Variants in RNF217 observed in about 807,000 individuals in gnomAD.
RNF217 encodes the protein E3 ubiquitin-protein ligase RNF217.
A neutral mutation model predicts 57.8 loss-of-function variants in RNF217; 31 were observed. The observed-to-expected ratio is 0.54, with a 90% CI of 0.40 to 0.72. The LOEUF (loss-of-function observed/expected upper bound fraction) is 0.72. Among genes scored for constraint, RNF217 ranks in the 30% least tolerant of loss-of-function variants. The pLI, the probability that RNF217 is intolerant of heterozygous loss-of-function variation, is 0.00. For missense variants in RNF217, 696 were observed against 708.3 expected, an observed-to-expected ratio of 0.98 and a Z score of 0.20; for synonymous variants, 313 against 294.0, an observed-to-expected ratio of 1.06 and a Z score of -0.66.
intron 1 of RNF217, among the ~76,000 whole-genome samples, chr6:124,973,099 G>GATATTTT (rs1783822144): frequency 2.6e-5 from 4 of 152,068 alleles, no homozygotes; most frequent in African/African-American, 9.7e-5. Context: ...GAATAGATAG[G>GATATTTT]CAAAGTGATA....
At chr6:125,039,706 C>G (rs1786797589) in intron 1 of RNF217, among the ~76,000 whole-genome samples, 1 of 152,176 alleles carries the variant, frequency 6.6e-6, no homozygotes, top group South Asian at 2.1e-4. Context: ...AAGTAAAACA[C>G]TCCTCAGCAA....
Position 125,077,425 on chromosome 6 carries a change from A to G in RNF217, c.1483+567A>G, listed in dbSNP as rs568527271. Among the ~76,000 whole-genome samples, 7 of 152,288 alleles carry G rather than the reference A, an allele frequency of 4.6e-5. No homozygotes were observed. The East Asian group carries it at 1.4e-3, about 29-fold the overall frequency. On this transcript the variant is annotated intron_variant, in intron 4 of 5. Transcript: ENST00000521654. ...AATGCCCTCAGTGCATACAAACCCA[A>G]GTTTAATTATCCAAGTGAAAATGCT...
chr6:124,962,496 G>A lies in RNF217; in HGVS notation c.-49G>A. The A allele has an allele frequency of 1.0e-6, 1 of 978,840 alleles. No homozygotes were observed. Among genetic ancestry groups the A allele is most frequent in the South Asian group, 4.9e-5 (1 of 20,462 alleles). The allele number at this position is 978,840 out of a possible 1,614,324, so 60.6% of individuals were successfully genotyped here. On this transcript the variant is annotated 5_prime_UTR_variant, in exon 1 of 6. Transcript: ENST00000521654. The surrounding 1 kb of genome is among the most constrained non-coding windows in gnomAD (Gnocchi z 4.6). ...CCCCGCTGCCCGCGGGCGCCGGGTGGGGGTCCCGGCGGCTGGATGGGCAGC... is the reference window on the plus strand; with the variant it reads ...CCCCGCTGCCCGCGGGCGCCGGGTGAGGGTCCCGGCGGCTGGATGGGCAGC...
intron 1 of RNF217, among the ~76,000 whole-genome samples, chr6:125,015,777 T>G (rs1170018789): frequency 6.6e-6 from 1 of 152,096 alleles, no homozygotes; most frequent in Non-Finnish European, 1.5e-5. Context: ...CACACATATG[T>G]AACATGTAAA....
intron 2 of RNF217, among the ~76,000 whole-genome samples, chr6:125,047,532 T>G (rs576558): frequency 0.094 from 14,241 of 152,082 alleles, 906 homozygotes; most frequent in African/African-American, 0.18. Context: ...TATCAATTTG[T>G]TGTAGGTAAG....
intron 3 of RNF217, among the ~76,000 whole-genome samples, chr6:125,076,175 A>T (rs1788360061): frequency 6.6e-6 from 1 of 152,206 alleles, no homozygotes; most frequent in Non-Finnish European, 1.5e-5. Flanking sequence ...TATCTGCTAT[A>T]ATTTCCTTCA....
In RNF217 at chr6:125,087,472, A is replaced by G. The variant is rs1048384956; in HGVS notation, c.*4535A>G. On this transcript the variant is annotated 3_prime_UTR_variant, in exon 6 of 6. Transcript: ENST00000521654. ...ATTGTTTTGTGTTAATATCTATTAT[A>G]AATATAGCCTTAAAATTTTGTAATG... 6 of 152,132 alleles carry G rather than the reference A, an allele frequency of 3.9e-5. No individual in the cohort carries two copies. 9.4% of individuals were successfully genotyped at this position (152,132 alleles called of 1,614,324 possible).
At chr6:124,965,940 G>A (rs1783521536) in intron 1 of RNF217, among the ~76,000 whole-genome samples, 1 of 152,142 alleles carries the variant, frequency 6.6e-6, no homozygotes, top group Non-Finnish European at 1.5e-5. Flanking sequence ...CTACAGCGTT[G>A]TCTGGTATAT....
chr6:124,980,358 A>G lies in RNF217; in HGVS notation c.882+16932A>G, dbSNP rs566435368. On this transcript the variant is annotated intron_variant, in intron 1 of 5. Coordinates refer to ENST00000521654, the MANE Select transcript of RNF217 (RefSeq NM_001286398.3). ...TTATCTTCATTACTTTTTAAAACAA[A>G]TAGGAACTACCTACCACCCTCCCCT... is the stretch of plus-strand genomic sequence containing the variant. Among the ~76,000 whole-genome samples, 18 of 152,296 alleles carry G rather than the reference A, an allele frequency of 1.2e-4. No individual in the cohort carries two copies. The East Asian group carries it at 2.5e-3, about 21-fold the overall frequency.
intron 1 of RNF217, among the ~76,000 whole-genome samples, chr6:125,033,005 C>T (rs1363371235): frequency 6.6e-6 from 1 of 152,080 alleles, no homozygotes; most frequent in African/African-American, 2.4e-5. Context: ...GTACTTTTCC[C>T]TGATGACTTA....
intron 1 of RNF217, among the ~76,000 whole-genome samples, chr6:124,995,798 T>A (rs956606863): frequency 6.6e-6 from 1 of 152,108 alleles, no homozygotes; most frequent in Non-Finnish European, 1.5e-5. Context: ...GATGGACTTC[T>A]GTAATCCCAG....
intron 1 of RNF217, among the ~76,000 whole-genome samples, chr6:125,023,542 A>C (rs1785939678): frequency 6.6e-6 from 1 of 152,176 alleles, no homozygotes; most frequent in Non-Finnish European, 1.5e-5. Context: ...TTAAAATAGA[A>C]CTGCCAGATG....
intron 1 of RNF217, among the ~76,000 whole-genome samples, chr6:124,976,835 T>C (rs1783983048): frequency 6.6e-6 from 1 of 152,208 alleles, no homozygotes; most frequent in African/African-American, 2.4e-5. Flanking sequence ...CCAGAATAGA[T>C]AACCCTTGGG....
intron 3 of RNF217, among the ~76,000 whole-genome samples, chr6:125,071,644 T>G (rs1788151010): frequency 6.6e-6 from 1 of 152,118 alleles, no homozygotes; most frequent in African/African-American, 2.4e-5. Context: ...TATCAAACTC[T>G]TATAAGGGAA....
intron 3 of RNF217, among the ~76,000 whole-genome samples, chr6:125,071,810 A>G (rs6911561): frequency 0.43 from 65,487 of 151,970 alleles, 14,613 homozygotes; most frequent in Middle Eastern, 0.52. Flanking sequence ...AATGTCATTC[A>G]TGATTTATGA....
At chr6:125,082,606 A>T (rs1446086546) in intron 5 of RNF217, 1 of 1,584,416 alleles carries the variant, frequency 6.3e-7, no homozygotes, top group South Asian at 1.2e-5. Flanking sequence ...TGGACAATAA[A>T]GAAGATTTAA....
At chr6:125,077,030 G>A (rs1460420947) in intron 4 of RNF217, among the ~76,000 whole-genome samples, 172 bp downstream of exon 4, 1 of 152,102 alleles carries the variant, frequency 6.6e-6, no homozygotes, top group East Asian at 1.9e-4. Context: ...TTTGTTACCA[G>A]GACACTACTT....
At chr6:125,009,138 G>A in intron 1 of RNF217, 2 of 1,322,688 alleles carry the variant, frequency 1.5e-6, no homozygotes, top group Non-Finnish European at 2.1e-6. Context: ...TTTGTTCTTT[G>A]ACCTTTTGCC....
intron 1 of RNF217, among the ~76,000 whole-genome samples, chr6:125,024,579 A>G (rs1222701617): frequency 1.3e-5 from 2 of 152,108 alleles, no homozygotes; most frequent in African/African-American, 4.8e-5. Flanking sequence ...TTAGCCAGAC[A>G]TAGCGGTGCA....
Sources: allele counts gnomAD v4.1 joint callset (sites outside exome capture counted in the v4.1 genomes callset), GRCh38; gene constraint gnomAD v4.1.1; non-coding constraint Gnocchi (gnomAD v3.1); transcripts MANE v1.5; gene names NCBI Gene and HGNC (gene_info 2026-07-23, HGNC 2026-07-21).